HYDIN: variants seen among roughly 807,000 people sequenced by gnomAD.
HYDIN encodes the protein HYDIN axonemal central pair apparatus protein, also known as axonemal central pair apparatus protein HYDIN.
Under a neutral mutation model 403.9 loss-of-function variants are expected in HYDIN, and 132 were observed. The ratio of observed to expected loss-of-function variants is 0.33; its 90% CI spans 0.28 to 0.38. HYDIN has a LOEUF of 0.38. HYDIN is among the 10% of genes least tolerant of loss of function. The pLI, the probability that HYDIN is intolerant of heterozygous loss-of-function variation, is 1.00. For synonymous variants in HYDIN, 1,202 were observed against 1,891.7 expected (o/e 0.64, Z 9.46); for missense variants, 2,827 against 5,009.5 (o/e 0.56, Z 13.15).
intron 36 of HYDIN, among the ~76,000 whole-genome samples, chr16:70,966,990 C>G (rs2078596812): frequency 6.6e-6 from 1 of 150,928 alleles, no homozygotes; most frequent in African/African-American, 2.4e-5. Flanking sequence ...GAGATGACTA[C>G]TCAGCTGGTA....
At chr16:70,980,162 T>C (rs2079004397) in intron 29 of HYDIN, among the ~76,000 whole-genome samples, 1 of 150,002 alleles carries the variant, frequency 6.7e-6, no homozygotes. Flanking sequence ...GTAACCCTCA[T>C]CTGGCTGGAA....
chr16:70,901,788 G>A (rs1213035346), intron 52 of HYDIN, among the ~76,000 whole-genome samples: 2 of 152,038 alleles, frequency 1.3e-5, no homozygotes, highest in Admixed American at 6.6e-5. Context: ...GTTTCACTGT[G>A]TTAGCCAGGC....
At position 70,872,054 on chromosome 16, in the gene HYDIN, T is replaced by C. The variant is rs1219898852; in HGVS notation, c.11074A>G (p.Ile3692Val). 14 of 1,599,866 alleles carry C rather than the reference T, an allele frequency of 8.8e-6. No homozygotes were observed. In the East Asian group the frequency reaches 1.3e-4, roughly 15 times the overall value. ...IRFEWPVSAT[I>V]AFSPQMGHLH... ...TTATTTACCTGTGGGGAGAAAGCAA[T>C]TGTAGCTGAAACAGGCCATTCAAAC... Residue 3692 changes from isoleucine (I) to valine (V), a missense_variant, in exon 65 of 86, where the codon ATT becomes GTT. Physicochemically the swap from Ile to Val is conservative, Grantham distance 29. Transcript: ENST00000393567.
At chr16:71,058,535 T>G (rs2081975436) in intron 18 of HYDIN, among the ~76,000 whole-genome samples, 1 of 133,848 alleles carries the variant, frequency 7.5e-6, no homozygotes, top group South Asian at 2.5e-4. Context: ...ATGGCACATG[T>G]ATACATATGT....
chr16:71,146,297 C>T (rs1398507038), intron 7 of HYDIN, among the ~76,000 whole-genome samples: 3 of 146,386 alleles, frequency 2.0e-5, no homozygotes, highest in Non-Finnish European at 3.0e-5. Context: ...TCTGACACTT[C>T]GTTTCAGCAA....
At chr16:70,965,212 G>A (rs575222917) in intron 36 of HYDIN, among the ~76,000 whole-genome samples, 1 of 152,250 alleles carries the variant, frequency 6.6e-6, no homozygotes, top group Non-Finnish European at 1.5e-5. Flanking sequence ...CAAAATTTCA[G>A]AACTCCATTA....
intron 1 of HYDIN, among the ~76,000 whole-genome samples, chr16:71,209,862 A>G (rs1332881780): frequency 6.6e-6 from 1 of 152,210 alleles, no homozygotes; most frequent in Admixed American, 6.5e-5. Context: ...AAAATGACAA[A>G]ACACTGTTCA....
chr16:70,884,803 G>A (rs1169421931), intron 58 of HYDIN, among the ~76,000 whole-genome samples: 2 of 152,298 alleles, frequency 1.3e-5, no homozygotes, highest in African/African-American at 2.4e-5. Context: ...CCGGATGACC[G>A]TAGAATGTGC....
chr16:71,169,480 T>C (rs2086375449), intron 5 of HYDIN, among the ~76,000 whole-genome samples: 1 of 152,088 alleles, frequency 6.6e-6, no homozygotes. Context: ...TGGAATACTA[T>C]GTAATCTTAA....
At chr16:70,859,118 G>A (rs1269720203) in intron 71 of HYDIN, among the ~76,000 whole-genome samples, 3 of 151,486 alleles carry the variant, frequency 2.0e-5, no homozygotes, top group Non-Finnish European at 2.9e-5. Context: ...TGGCTAACAC[G>A]GTGAAACACT....
In HYDIN at chr16:70,894,499, C is replaced by T. The variant is rs12102717; in HGVS notation, c.9198G>A (p.Ala3066=). The change falls in exon 55 of 86, where the codon GCG becomes GCA. Residue 3066 remains alanine (A), a synonymous_variant. Coordinates refer to ENST00000393567, the MANE Select transcript of HYDIN (RefSeq NM_001270974.2). ...GGTTCTTCAATTGCAGGGGCTGCTT[C>T]GCCTCCTCTGTGACCCTGACAATCC... ...DFGIVRVTEE[A]KQPLQLKNRG... is the part of the protein sequence containing the mutation. 85 of 1,603,226 alleles carry T rather than the reference C, an allele frequency of 5.3e-5. No homozygotes were observed. The highest frequency in any genetic ancestry group is 6.8e-5 in the Non-Finnish European group (80 of 1,175,846).
intron 41 of HYDIN, among the ~76,000 whole-genome samples, chr16:70,944,802 G>C (rs2077799203): frequency 6.6e-6 from 1 of 152,140 alleles, no homozygotes; most frequent in South Asian, 2.1e-4. Flanking sequence ...GCCCAGGCTG[G>C]AGTGCAATGG....
intron 1 of HYDIN, among the ~76,000 whole-genome samples, chr16:71,200,487 A>G (rs1855958452): frequency 6.6e-6 from 1 of 152,178 alleles, no homozygotes; most frequent in South Asian, 2.1e-4. Flanking sequence ...ACCTAATCCA[A>G]GACTTGTACA....
At chr16:71,120,809 G>A (rs1257298518) in intron 9 of HYDIN, among the ~76,000 whole-genome samples, 1 of 151,300 alleles carries the variant, frequency 6.6e-6, no homozygotes, top group Non-Finnish European at 1.5e-5. Flanking sequence ...AATTTTCCTG[G>A]TTTATCTAAA....
intron 10 of HYDIN, among the ~76,000 whole-genome samples, chr16:71,096,054 A>G (rs1429365434): frequency 1.3e-5 from 2 of 150,344 alleles, no homozygotes; most frequent in Admixed American, 6.7e-5. Flanking sequence ...GGAGGCAAAT[A>G]TGTTTAAAAC....
In HYDIN at chr16:71,082,059, A is replaced by C. The variant is rs201660355; in HGVS notation, c.1671-2107T>G. The stretch of plus-strand genomic sequence containing the variant: ...GATCTTTCAAGGCACATTAGCTAAA[A>C]TACTAGCTTATGCAGTACTGAGAAA... On this transcript the variant is annotated intron_variant, in intron 12 of 85. Coordinates refer to ENST00000393567, the MANE Select transcript of HYDIN (RefSeq NM_001270974.2). Among the ~76,000 whole-genome samples the C allele has an allele frequency of 3.5e-3, 528 of 150,528 alleles. 3 individuals carry two copies. The highest frequency in any genetic ancestry group is 0.013 in the African/African-American group (507 of 40,544).
intron 72 of HYDIN, 64 bp downstream of exon 72, chr16:70,857,641 G>A: frequency 9.7e-7 from 1 of 1,030,188 alleles, no homozygotes; most frequent in Non-Finnish European, 1.4e-6. Flanking sequence ...GCTGCTCCCA[G>A]AGCTCTTGAT....
intron 1 of HYDIN, among the ~76,000 whole-genome samples, chr16:71,211,961 T>C (rs1051116484): frequency 6.6e-6 from 1 of 152,140 alleles, no homozygotes; most frequent in African/African-American, 2.4e-5. Flanking sequence ...ATACAGCAAT[T>C]CTGTAAAACA....
intron 1 of HYDIN, among the ~76,000 whole-genome samples, chr16:71,196,479 C>T (rs2087702867): frequency 6.6e-6 from 1 of 152,194 alleles, no homozygotes; most frequent in Non-Finnish European, 1.5e-5. Context: ...AAACTGGAAT[C>T]TACACCATTG....
Sources: allele counts gnomAD v4.1 joint callset (sites outside exome capture counted in the v4.1 genomes callset), GRCh38; gene constraint gnomAD v4.1.1; transcripts MANE v1.5; gene names NCBI Gene and HGNC (gene_info 2026-07-23, HGNC 2026-07-21).